SDK1: variants seen among roughly 807,000 people sequenced by gnomAD.
SDK1 encodes sidekick cell adhesion molecule 1.
Under a neutral mutation model 245.5 loss-of-function variants are expected in SDK1, and 157 were observed. The observed-to-expected ratio is 0.64, with a 90% CI of 0.56 to 0.73. SDK1 has a LOEUF of 0.73. Among genes scored for constraint, SDK1 ranks in the 30% least tolerant of loss-of-function variants. The pLI is 0.00. For missense variants in SDK1, 3,583 were observed against 3,002.3 expected (o/e 1.19, Z -4.52); for synonymous variants, 1,647 against 1,278.5 (o/e 1.29, Z -6.15).
chr7:3,718,867 T>C (rs1053543894), intron 4 of SDK1, among the ~76,000 whole-genome samples: 1 of 152,182 alleles, frequency 6.6e-6, no homozygotes, highest in Admixed American at 6.5e-5. Flanking sequence ...ATTGTCTTCA[T>C]TGAAAATCCA....
chr7:3,458,525 C>T (rs1780736512), intron 1 of SDK1, among the ~76,000 whole-genome samples: 1 of 151,700 alleles, frequency 6.6e-6, no homozygotes, highest in Admixed American at 6.6e-5. Flanking sequence ...CTTTTTTCTT[C>T]AGAATTTTTT....
intron 34 of SDK1, among the ~76,000 whole-genome samples, chr7:4,177,234 G>T (rs1022369143): frequency 3.3e-5 from 5 of 152,226 alleles, no homozygotes; most frequent in African/African-American, 1.2e-4. Context: ...TAGCTGGCAG[G>T]AGGCACAATT....
chr7:3,781,472 G>A (rs1780735344), intron 4 of SDK1, among the ~76,000 whole-genome samples: 1 of 152,050 alleles, frequency 6.6e-6, no homozygotes, highest in South Asian at 2.1e-4. Flanking sequence ...CCAGAAAAGG[G>A]GACTGTCTTC....
chr7:3,311,932 G>A lies in SDK1; in HGVS notation c.298+10048G>A, dbSNP rs185486143. ...GGCTTAGTCCTGAGGGTCTCATGGA[G>A]GAGTAGGAGGCATGGCCTTGGGTCT... On this transcript the variant is annotated intron_variant, in intron 1 of 44. Coordinates refer to ENST00000404826, the MANE Select transcript of SDK1 (RefSeq NM_152744.4). 2.7e-4 allele frequency among the ~76,000 whole-genome samples: 41 copies of A among 152,318 alleles called. No homozygotes were observed. The East Asian group carries it at 7.7e-3, about 29-fold the overall frequency.
chr7:3,403,842 TATA>T lies in SDK1; in HGVS notation c.298+101959_298+101961del, dbSNP rs1330574759. ...TATCTTACATATATATATATATATA[TATA>T]TATATATATATATATATATATATAA... On this transcript the variant is annotated intron_variant, in intron 1 of 44. Transcript: ENST00000404826. 1.5e-4 allele frequency among the ~76,000 whole-genome samples: 12 copies of T among 80,716 alleles called. 1 individual carries two copies. The South Asian group carries it at 4.4e-3, about 30-fold the overall frequency. The allele number at this position is 80,716 out of a possible 152,430, so 53.0% of individuals were successfully genotyped here.
intron 34 of SDK1, among the ~76,000 whole-genome samples, chr7:4,176,118 C>CTTT (rs112511150): frequency 3.4e-5 from 5 of 149,040 alleles, no homozygotes; most frequent in Non-Finnish European, 5.9e-5. Flanking sequence ...TTCCTTCTTC[C>CTTT]TTTTTTTTTT....
chr7:3,753,587 G>A (rs1043652305), intron 4 of SDK1, among the ~76,000 whole-genome samples: 8 of 152,292 alleles, frequency 5.3e-5, no homozygotes, highest in Middle Eastern at 3.4e-3. Flanking sequence ...TTCCTCCCTC[G>A]AAGTCTGGGA....
At chr7:4,181,001 T>A (rs1241087541) in intron 35 of SDK1, among the ~76,000 whole-genome samples, 1 of 152,170 alleles carries the variant, frequency 6.6e-6, no homozygotes, top group Non-Finnish European at 1.5e-5. Context: ...CGTGTGCAGT[T>A]CAGCGGCATT....
At chr7:3,396,132 A>G (rs1359670999) in intron 1 of SDK1, among the ~76,000 whole-genome samples, 1 of 151,872 alleles carries the variant, frequency 6.6e-6, no homozygotes, top group Non-Finnish European at 1.5e-5. Context: ...TGCATCTCAT[A>G]CACTTGGACA....
chr7:4,209,690 C>T (rs1245066653), intron 37 of SDK1, among the ~76,000 whole-genome samples: 3 of 151,928 alleles, frequency 2.0e-5, no homozygotes, highest in Non-Finnish European at 4.4e-5. Flanking sequence ...CTTCTGGAAT[C>T]CTCCAGCAGT....
intron 25 of SDK1, among the ~76,000 whole-genome samples, chr7:4,118,911 C>G (rs957059300): frequency 6.7e-6 from 1 of 148,230 alleles, no homozygotes; most frequent in Non-Finnish European, 1.5e-5. Flanking sequence ...TCATGGTTTC[C>G]TAGACTAAGA....
At chr7:3,632,518 A>C (rs1396384246) in intron 2 of SDK1, among the ~76,000 whole-genome samples, 1 of 152,038 alleles carries the variant, frequency 6.6e-6, no homozygotes, top group Non-Finnish European at 1.5e-5. Flanking sequence ...CATTCACCAG[A>C]TTTATATTCC....
chr7:4,235,595 A>T (rs1459034855), intron 41 of SDK1, among the ~76,000 whole-genome samples: 1 of 152,232 alleles, frequency 6.6e-6, no homozygotes, highest in African/African-American at 2.4e-5. Context: ...CCTCATCCTA[A>T]TTCAGAGATC....
chr7:4,123,188 C>T (rs901295590), intron 25 of SDK1, among the ~76,000 whole-genome samples: 4 of 152,182 alleles, frequency 2.6e-5, no homozygotes, highest in African/African-American at 9.7e-5. Flanking sequence ...CAGAAGTAGA[C>T]CATTTGTGTT....
At chr7:3,878,113 A>G (rs1425049096) in intron 5 of SDK1, among the ~76,000 whole-genome samples, 3 of 152,252 alleles carry the variant, frequency 2.0e-5, no homozygotes, top group Admixed American at 2.0e-4. Context: ...GCTCTTGAAT[A>G]AAACATTTTT....
chr7:4,102,199 T>TCTC (rs1554341460), intron 22 of SDK1, among the ~76,000 whole-genome samples: 1 of 151,906 alleles, frequency 6.6e-6, no homozygotes, highest in African/African-American at 2.4e-5. Flanking sequence ...GGAACTGGCC[T>TCTC]CTGGGCCTTC....
intron 1 of SDK1, among the ~76,000 whole-genome samples, chr7:3,545,625 C>A (rs35369804): frequency 0.011 from 1,718 of 152,276 alleles, 20 homozygotes; most frequent in Non-Finnish European, 0.017. Context: ...TGAAATGAAA[C>A]CACCTGGCAA....
intron 40 of SDK1, among the ~76,000 whole-genome samples, chr7:4,230,038 C>CGG (rs1785649433): frequency 5.7e-5 from 2 of 35,380 alleles, no homozygotes; most frequent in South Asian, 1.3e-3. Flanking sequence ...GAGGGGGACC[C>CGG]AGAAGGAAGG....
intron 1 of SDK1, among the ~76,000 whole-genome samples, chr7:3,333,250 A>T (rs1011425090): frequency 6.6e-6 from 1 of 152,130 alleles, no homozygotes; most frequent in Admixed American, 6.5e-5. Flanking sequence ...GGCAAAAATT[A>T]TGATATTTAG....
Sources: allele counts gnomAD v4.1 joint callset (sites outside exome capture counted in the v4.1 genomes callset), GRCh38; gene constraint gnomAD v4.1.1; transcripts MANE v1.5; gene names NCBI Gene and HGNC (gene_info 2026-07-23, HGNC 2026-07-21).